DLC1: variants seen among roughly 807,000 people sequenced by gnomAD.
The protein encoded by DLC1 is DLC1 Rho GTPase activating protein, also known as rho GTPase-activating protein 7.
DLC1 carries 54 observed loss-of-function variants against 140.3 expected under a neutral mutation model. That is an observed-to-expected ratio of 0.38 (90% CI 0.31 to 0.48). The LOEUF (loss-of-function observed/expected upper bound fraction) is 0.48. Among genes scored for constraint, DLC1 ranks in the 20% least tolerant of loss-of-function variants. DLC1 has a pLI of 0.96. For missense variants in DLC1, 2,536 were observed against 1,907.0 expected, an observed-to-expected ratio of 1.33 and a Z score of -6.14; for synonymous variants, 986 against 728.1, an observed-to-expected ratio of 1.35 and a Z score of -5.70.
intron 2 of DLC1, among the ~76,000 whole-genome samples, chr8:13,430,030 A>G (rs1198537225): frequency 6.6e-6 from 1 of 152,220 alleles, no homozygotes; most frequent in Non-Finnish European, 1.5e-5. Context: ...ATCCTTTTAA[A>G]AAATTATGGT....
intron 5 of DLC1, among the ~76,000 whole-genome samples, chr8:13,261,987 G>T (rs551213538): frequency 1.3e-5 from 2 of 152,250 alleles, no homozygotes; most frequent in East Asian, 3.9e-4. Context: ...TGAAGAAGTT[G>T]AGGCAAAATG....
At chr8:13,526,439 A>G (rs1262338118) in intron 1 of DLC1, among the ~76,000 whole-genome samples, 12 of 152,162 alleles carry the variant, frequency 7.9e-5, no homozygotes, top group Non-Finnish European at 1.8e-4. Flanking sequence ...TTCCATGAGC[A>G]TAATGTATTT....
intron 2 of DLC1, among the ~76,000 whole-genome samples, chr8:13,405,872 C>CTT (rs767090026): frequency 9.9e-5 from 12 of 121,474 alleles, no homozygotes; most frequent in African/African-American, 3.3e-4. Flanking sequence ...CTTTTCTTTT[C>CTT]TTTTTTCTTT....
intron 1 of DLC1, among the ~76,000 whole-genome samples, chr8:13,594,644 A>G (rs1219865418): frequency 6.6e-6 from 1 of 152,100 alleles, no homozygotes; most frequent in African/African-American, 2.4e-5. Context: ...CTGTCTTTTC[A>G]AGACAATATC....
intron 5 of DLC1, among the ~76,000 whole-genome samples, chr8:13,191,621 C>T (rs1826760571): frequency 6.6e-6 from 1 of 152,270 alleles, no homozygotes; most frequent in Non-Finnish European, 1.5e-5. Flanking sequence ...GAGGCTTCCC[C>T]ATATAAGCCC....
At chr8:13,419,198 C>A (rs1225418110) in intron 2 of DLC1, among the ~76,000 whole-genome samples, 2 of 151,934 alleles carry the variant, frequency 1.3e-5, no homozygotes, top group Non-Finnish European at 2.9e-5. Flanking sequence ...TAATTGAATA[C>A]CGTTTATTTC....
At chr8:13,099,261 T>A (rs2128936168) in intron 9 of DLC1, 86 bp downstream of exon 9, 1 of 1,517,786 alleles carries the variant, frequency 6.6e-7, no homozygotes, top group East Asian at 2.3e-5. Flanking sequence ...CCAGACTTAA[T>A]CCCATTTCTT....
chr8:13,458,922 T>G (rs924983681), intron 2 of DLC1, among the ~76,000 whole-genome samples: 11 of 152,170 alleles, frequency 7.2e-5, no homozygotes, highest in Admixed American at 7.2e-4. Context: ...CAATAGCATA[T>G]GAAAGATAAA....
At position 13,219,645 on chromosome 8, in the gene DLC1, A is replaced by T. The variant is rs117587639; in HGVS notation, c.1348+85624T>A. Among the ~76,000 whole-genome samples the T allele has an allele frequency of 2.4e-3, 361 of 151,858 alleles. 1 individual carries two copies. Among genetic ancestry groups the T allele is most frequent in the Non-Finnish European group, 4.1e-3 (279 of 67,944 alleles). ...TAATTCCTTGGAGATATTTTTGGAG[A>T]TATCTATATATCTATATCTATATCT... On this transcript the variant is annotated intron_variant, in intron 5 of 17. Transcript: ENST00000276297.
intron 2 of DLC1, among the ~76,000 whole-genome samples, chr8:13,449,636 C>T (rs139967209): frequency 3.2e-4 from 35 of 111,040 alleles, no homozygotes; most frequent in African/African-American, 4.2e-4. Context: ...CACTTGGACA[C>T]GGGAAGGGGA....
Position 13,499,158 on chromosome 8 carries a change from T to C in DLC1, c.914A>G (p.Lys305Arg), listed in dbSNP as rs1324119829. The C allele has an allele frequency of 1.9e-6, 3 of 1,614,214 alleles. No homozygotes were observed. Among genetic ancestry groups the C allele is most frequent in the Admixed American group, 1.7e-5 (1 of 60,032 alleles). The change falls in exon 2 of 18, where the codon AAA becomes AGA. Residue 305 changes from lysine to arginine, a missense_variant. Lys to Arg is a conservative substitution (Grantham distance 26, BLOSUM62 2). Transcript: ENST00000276297. ...EKSGFSQHQNKSPPKVKAEDG... is the reference protein window; with the variant it reads ...EKSGFSQHQNRSPPKVKAEDG... Reference sequence around the variant, plus strand: ...TTCTGCCTTGACCTTTGGTGGACTTTTGTTTTGATGTTGTGAAAAACCACT... The same window carrying C: ...TTCTGCCTTGACCTTTGGTGGACTTCTGTTTTGATGTTGTGAAAAACCACT...
At chr8:13,332,540 C>T (rs1409925921) in intron 4 of DLC1, among the ~76,000 whole-genome samples, 5 of 151,872 alleles carry the variant, frequency 3.3e-5, no homozygotes, top group African/African-American at 1.2e-4. Context: ...AAGCGATTCT[C>T]CTGCCGCAGC....
intron 1 of DLC1, 75 bp from the exon 2 acceptor site, chr8:13,500,271 AC>A (rs1395191794): frequency 6.0e-6 from 3 of 502,684 alleles, no homozygotes; most frequent in African/African-American, 5.7e-5. Context: ...AAAAGAGAAA[AC>A]TTAATCTATG....
Position 13,091,451 on chromosome 8 carries a change from G to C in DLC1, c.3741-19C>G. The stretch of plus-strand genomic sequence containing the variant: ...CATTACCCTAGGTAGAAGAAATACA[G>C]GAGGGGAACAGTTCAAATATTTATA... On this transcript the variant is annotated intron_variant, in intron 13 of 17. Coordinates refer to ENST00000276297, the MANE Select transcript of DLC1 (RefSeq NM_182643.3). The C allele has an allele frequency of 6.3e-7, 1 of 1,595,172 alleles. No homozygotes were observed. Among genetic ancestry groups the C allele is most frequent in the Non-Finnish European group, 8.6e-7 (1 of 1,165,572 alleles).
chr8:13,130,528 G>T (rs1821992460), intron 5 of DLC1, among the ~76,000 whole-genome samples: 1 of 152,178 alleles, frequency 6.6e-6, no homozygotes, highest in Non-Finnish European at 1.5e-5. Flanking sequence ...AAGGGCTTTA[G>T]GTTGAAGGGT....
intron 4 of DLC1, among the ~76,000 whole-genome samples, chr8:13,348,428 T>C (rs1834471982): frequency 6.6e-6 from 1 of 152,148 alleles, no homozygotes; most frequent in Non-Finnish European, 1.5e-5. Context: ...AATTTAAACA[T>C]GTGACATTGA....
intron 4 of DLC1, among the ~76,000 whole-genome samples, chr8:13,307,783 C>G (rs954157569): frequency 6.6e-6 from 1 of 152,132 alleles, no homozygotes; most frequent in African/African-American, 2.4e-5. Context: ...TTAGAACACC[C>G]TGTAAAATCC....
chr8:13,266,699 C>T (rs1830701166), intron 5 of DLC1, among the ~76,000 whole-genome samples: 1 of 152,066 alleles, frequency 6.6e-6, no homozygotes, highest in Admixed American at 6.6e-5. Context: ...GAGCTGAGAT[C>T]CTGCCACTGC....
chr8:13,228,436 C>G (rs1427676695), intron 5 of DLC1, among the ~76,000 whole-genome samples: 1 of 152,000 alleles, frequency 6.6e-6, no homozygotes, highest in Non-Finnish European at 1.5e-5. Flanking sequence ...TATAAAAAGA[C>G]AAACCAGTTG....
Sources: allele counts gnomAD v4.1 joint callset (sites outside exome capture counted in the v4.1 genomes callset), GRCh38; gene constraint gnomAD v4.1.1; transcripts MANE v1.5; gene names NCBI Gene and HGNC (gene_info 2026-07-23, HGNC 2026-07-21).